TSPAN16: variants seen among roughly 807,000 people sequenced by gnomAD.
TSPAN16 encodes tetraspanin 16.
Under a neutral mutation model 25.2 loss-of-function variants are expected in TSPAN16, and 23 were observed. That is an observed-to-expected ratio of 0.91 (90% CI 0.66 to 1.29). The LOEUF is 1.29. Ranked by LOEUF, TSPAN16 falls within the 50% of genes most tolerant of loss-of-function variation. The pLI is 0.00. For synonymous variants in TSPAN16, 123 were observed against 124.4 expected (o/e 0.99, Z 0.08); for missense variants, 272 against 299.9 (o/e 0.91, Z 0.69).
In TSPAN16 at chr19:11,326,711, C is replaced by A. The variant is rs1001079041; in HGVS notation, c.688-83C>A. On this transcript the variant is annotated intron_variant, in intron 6 of 6. Coordinates refer to the TSPAN16 transcript ENST00000316737. ...CTCAACCTCCTGGGCTCAAGCGATC[C>A]TCCCGCCTTGGCCCCCTGAGTAGCT... 2.1e-4 allele frequency: 140 copies of A among 677,368 alleles called. 2 individuals are homozygous for A. The highest frequency in any genetic ancestry group is 2.7e-4 in the Non-Finnish European group (103 of 374,738). 42.0% of individuals were successfully genotyped at this position (677,368 alleles called of 1,614,324 possible). A position where few individuals can be genotyped will look rare whatever the true frequency, so the allele number is the denominator to read the frequency against.
At chr19:11,324,503 CAGCTAAACAG>C in intron 6 of TSPAN16, 1 of 99,318 alleles carries the variant, frequency 1.0e-5, no homozygotes, top group Non-Finnish European at 1.8e-5. Flanking sequence ...ACCAGCTAAA[CAGCTAAACAG>C]GGCCTGGGAG....
chr19:11,297,662 AATTTTTGT>A (rs1235479718), intron 1 of TSPAN16, among the ~76,000 whole-genome samples: 1 of 151,838 alleles, frequency 6.6e-6, no homozygotes, highest in Non-Finnish European at 1.5e-5. Context: ...ACGCCCGGCC[AATTTTTGT>A]ATTTTTAGTA....
chr19:11,325,391 G>A, intron 6 of TSPAN16: 1 of 1,281,002 alleles, frequency 7.8e-7, no homozygotes, highest in Non-Finnish European at 1.0e-6. Context: ...GGGGTTGGGG[G>A]CCATCTCTAG....
In TSPAN16 at chr19:11,298,345, T is replaced by C. The variant is rs1312588386; in HGVS notation, c.267+6T>C. 6.2e-7 allele frequency: 1 copy of C among 1,613,262 alleles called. No individual in the cohort carries two copies. The highest frequency in any genetic ancestry group is 8.5e-7 in the Non-Finnish European group (1 of 1,179,880). On this transcript the variant is annotated splice_donor_region_variant and intron_variant, in intron 2 of 6. Transcript: ENST00000590327. ...GCAGAGGCACGCTCTTGTTTGTAAG[T>C]TGGATCTGCACACAGACCCCAGAAC...
chr19:11,304,777 G>C (rs1312654909), intron 4 of TSPAN16, among the ~76,000 whole-genome samples: 1 of 151,830 alleles, frequency 6.6e-6, no homozygotes, highest in Non-Finnish European at 1.5e-5. Flanking sequence ...GTCCGCCTCG[G>C]CCTCCCAAAG....
downstream of TSPAN16, among the ~76,000 whole-genome samples, chr19:11,318,440 G>A (rs2080760126): frequency 6.6e-6 from 1 of 150,812 alleles, no homozygotes; most frequent in Non-Finnish European, 1.5e-5. Context: ...AATTACAGGC[G>A]TGAGCCACTG....
At chr19:11,304,515 A>T (rs1403702341) in intron 4 of TSPAN16, among the ~76,000 whole-genome samples, 1 of 150,516 alleles carries the variant, frequency 6.6e-6, no homozygotes, top group East Asian at 1.9e-4. Context: ...GCTAATTTTT[A>T]AAATTTTTAT....
At chr19:11,313,571 C>T (rs2080715991) in intron 6 of TSPAN16, among the ~76,000 whole-genome samples, 1 of 151,236 alleles carries the variant, frequency 6.6e-6, no homozygotes, top group Admixed American at 6.6e-5. Context: ...ACAAGTAACC[C>T]AACTAAAATG....
chr19:11,306,065 C>T (rs1015479066), intron 4 of TSPAN16, among the ~76,000 whole-genome samples: 4 of 152,056 alleles, frequency 2.6e-5, no homozygotes, highest in Non-Finnish European at 4.4e-5. Flanking sequence ...GTCAGGAATT[C>T]GAGACCAGCC....
At chr19:11,305,597 T>C (rs534595388) in intron 4 of TSPAN16, among the ~76,000 whole-genome samples, 1 of 152,140 alleles carries the variant, frequency 6.6e-6, no homozygotes, top group Admixed American at 6.5e-5. Flanking sequence ...CCAGGTGCAG[T>C]GGCTCACATC....
downstream of TSPAN16, among the ~76,000 whole-genome samples, chr19:11,318,138 T>G (rs1306462084): frequency 1.3e-5 from 2 of 151,950 alleles, no homozygotes; most frequent in Non-Finnish European, 2.9e-5. Flanking sequence ...ACCATTCTCC[T>G]GCCTCAGCCT....
At chr19:11,297,450 A>G (rs1377965323) in intron 1 of TSPAN16, among the ~76,000 whole-genome samples, 2 of 148,540 alleles carry the variant, frequency 1.3e-5, no homozygotes, top group East Asian at 1.9e-4. Context: ...GGTTTTTCAG[A>G]AAAAAAAAAT....
At chr19:11,323,846 GTGC>G (rs1277138444) in intron 6 of TSPAN16, 2 of 152,246 alleles carry the variant, frequency 1.3e-5, no homozygotes, top group Non-Finnish European at 2.9e-5. Context: ...CATCCTAACA[GTGC>G]TGGTCCTGTG....
At chr19:11,306,832 T>C (rs1034464488) in intron 5 of TSPAN16, 76 bp downstream of exon 5, 2 of 1,443,278 alleles carry the variant, frequency 1.4e-6, no homozygotes, top group African/African-American at 2.9e-5. Flanking sequence ...TATCTTATTT[T>C]GAGAAAGAGT....
At chr19:11,316,122 T>C (rs1244205747), downstream of TSPAN16, 1 of 177,192 alleles carries the variant, frequency 5.6e-6, no homozygotes, top group Admixed American at 9.1e-5. Context: ...TGTGTGGTTT[T>C]TTTTTTTTTT....
chr19:11,302,155 C>T (rs1276287848), intron 4 of TSPAN16, among the ~76,000 whole-genome samples: 2 of 152,060 alleles, frequency 1.3e-5, no homozygotes, highest in African/African-American at 2.4e-5. Flanking sequence ...TGCAGTTCAG[C>T]GGCATTAAGC....
rs368798147 is a variant in TSPAN16, at chr19:11,308,384, C to T, written c.603+1628C>T. ...CGCAATCTCGACTCACCGCAGCCTC[C>T]GCCTCCCAGGTTCAGGTGATTCTCC... is the stretch of plus-strand genomic sequence containing the variant. On this transcript the variant is annotated intron_variant, in intron 5 of 6. Transcript: ENST00000590327. Among the ~76,000 whole-genome samples, 10 of 151,998 alleles carry T rather than the reference C, an allele frequency of 6.6e-5. 1 individual carries two copies. In the East Asian group the frequency reaches 7.7e-4, roughly 12 times the overall value.
At chr19:11,296,418 G>T in intron 1 of TSPAN16, 52 bp downstream of exon 1, 1 of 1,569,140 alleles carries the variant, frequency 6.4e-7, no homozygotes, top group Non-Finnish European at 8.8e-7. Flanking sequence ...TTCCTCCACA[G>T]TCAGCTCCCT....
chr19:11,306,785 A>T (rs779379495), intron 5 of TSPAN16, 29 bp downstream of exon 5: 2 of 1,606,104 alleles, frequency 1.2e-6, no homozygotes, highest in East Asian at 4.5e-5. Context: ...TGTTGCCTTG[A>T]CAGACCCCTG....
Sources: allele counts gnomAD v4.1 joint callset (sites outside exome capture counted in the v4.1 genomes callset), GRCh38; gene constraint gnomAD v4.1.1; transcripts MANE v1.5; gene names NCBI Gene and HGNC (gene_info 2026-07-23, HGNC 2026-07-21).